MRTFB: variants seen among roughly 807,000 people sequenced by gnomAD.
The protein encoded by MRTFB is myocardin related transcription factor B.
Under a neutral mutation model 104.2 loss-of-function variants are expected in MRTFB, and 29 were observed. The ratio of observed to expected loss-of-function variants is 0.28; its 90% CI spans 0.21 to 0.38. The LOEUF is 0.38. MRTFB is among the 10% of genes least tolerant of loss of function. The pLI, the probability that MRTFB is intolerant of heterozygous loss-of-function variation, is 1.00. For synonymous variants in MRTFB, 535 were observed against 519.5 expected (o/e 1.03, Z -0.41); for missense variants, 1,270 against 1,341.6 (o/e 0.95, Z 0.83).
intron 1 of MRTFB, among the ~76,000 whole-genome samples, chr16:14,073,241 C>T (rs561944291): frequency 8.5e-5 from 13 of 152,136 alleles, no homozygotes; most frequent in Non-Finnish European, 1.6e-4. Flanking sequence ...TCGTACCAGG[C>T]GAATCTTCAT....
chr16:14,102,892 A>G (rs1288139827), intron 2 of MRTFB, among the ~76,000 whole-genome samples: 1 of 152,166 alleles, frequency 6.6e-6, no homozygotes, highest in Non-Finnish European at 1.5e-5. Flanking sequence ...ATGCTGTTGC[A>G]TTAGCTTTAA....
At chr16:14,101,435 A>G (rs761702710) in intron 2 of MRTFB, among the ~76,000 whole-genome samples, 10 of 152,200 alleles carry the variant, frequency 6.6e-5, no homozygotes, top group Non-Finnish European at 1.5e-4. Context: ...GGATAAATCT[A>G]TCAGACCAAA....
intron 10 of MRTFB, chr16:14,241,104 C>G (rs906296247): frequency 2.2e-5 from 7 of 319,850 alleles, no homozygotes; most frequent in African/African-American, 1.5e-4. Context: ...GGGCAGAAGA[C>G]CTTACTCAAC....
chr16:14,106,428 T>C (rs1178549559), intron 2 of MRTFB, among the ~76,000 whole-genome samples: 1 of 152,230 alleles, frequency 6.6e-6, no homozygotes, highest in Non-Finnish European at 1.5e-5. Context: ...TTCTTACCTA[T>C]ACTGTTAAGA....
intron 9 of MRTFB, among the ~76,000 whole-genome samples, chr16:14,234,766 G>T (rs984069231): frequency 2.0e-5 from 3 of 152,058 alleles, no homozygotes; most frequent in African/African-American, 7.3e-5. Flanking sequence ...TTGCACTCTA[G>T]CTTGGGTGAC....
chr16:14,091,348 A>G (rs531561765), intron 2 of MRTFB, among the ~76,000 whole-genome samples: 1 of 152,296 alleles, frequency 6.6e-6, no homozygotes, highest in African/African-American at 2.4e-5. Context: ...GAAGGTTGCA[A>G]AAGGAATGAA....
chr16:14,207,872 G>C (rs373997110), intron 3 of MRTFB, among the ~76,000 whole-genome samples: 40 of 152,314 alleles, frequency 2.6e-4, no homozygotes, highest in African/African-American at 8.2e-4. Flanking sequence ...TAACTCATTG[G>C]TCAGAAGTCT....
intron 2 of MRTFB, among the ~76,000 whole-genome samples, chr16:14,097,679 A>T (rs905146670): frequency 1.3e-5 from 2 of 152,208 alleles, no homozygotes; most frequent in African/African-American, 4.8e-5. Context: ...AAGGATGATG[A>T]ACATATCCAT....
intron 15 of MRTFB, among the ~76,000 whole-genome samples, chr16:14,255,726 T>C (rs1035808324): frequency 6.6e-6 from 1 of 152,046 alleles, no homozygotes; most frequent in Non-Finnish European, 1.5e-5. Context: ...TTTTATTCAG[T>C]GTACAACATT....
At chr16:14,015,195 C>T in the MRTFB span, among the ~76,000 whole-genome samples, 1 of 152,158 alleles carries the variant, frequency 6.6e-6, no homozygotes, top group African/African-American at 2.4e-5. Flanking sequence ...TGAAATGAAA[C>T]AAAAGGCTTG....
intron 16 of MRTFB, among the ~76,000 whole-genome samples, chr16:14,258,617 T>C (rs1365212372): frequency 6.6e-6 from 1 of 152,178 alleles, no homozygotes; most frequent in Non-Finnish European, 1.5e-5. Flanking sequence ...AAAGACCAGA[T>C]AGCAAAGTAG....
At chr16:14,088,489 C>A (rs2034859229) in intron 2 of MRTFB, among the ~76,000 whole-genome samples, 1 of 152,172 alleles carries the variant, frequency 6.6e-6, no homozygotes, top group Non-Finnish European at 1.5e-5. Context: ...CTCGAAAGTT[C>A]TTAGAATGTT....
At chr16:14,195,493 C>T (rs1221333845) in intron 3 of MRTFB, 1 of 984,192 alleles carries the variant, frequency 1.0e-6, no homozygotes, top group Non-Finnish European at 1.2e-6. Flanking sequence ...TTTGTATCAG[C>T]CCCATTCCTG....
intron 9 of MRTFB, among the ~76,000 whole-genome samples, chr16:14,237,046 A>G (rs1187833463): frequency 6.6e-6 from 1 of 152,186 alleles, no homozygotes; most frequent in Admixed American, 6.5e-5. Context: ...CTGTAATGGA[A>G]AGGAGTACAC....
At chr16:14,234,349 A>T in intron 9 of MRTFB, 66 bp downstream of exon 9, 1 of 1,520,584 alleles carries the variant, frequency 6.6e-7, no homozygotes, top group Non-Finnish European at 8.9e-7. Flanking sequence ...AACCCTGTGA[A>T]TGGAAGACAA....
intron 6 of MRTFB, among the ~76,000 whole-genome samples, chr16:14,213,974 A>G (rs561641001): frequency 4.6e-5 from 7 of 152,248 alleles, no homozygotes; most frequent in African/African-American, 1.7e-4. Flanking sequence ...CTAACCCTAG[A>G]TTTTCAACTA....
At chr16:14,025,619 G>A in the MRTFB span, among the ~76,000 whole-genome samples, 1 of 152,174 alleles carries the variant, frequency 6.6e-6, no homozygotes, top group Non-Finnish European at 1.5e-5. Context: ...TGTGGGCCTA[G>A]GATCCTGGCT....
At chr16:14,068,358 G>A (rs1057412276), upstream of MRTFB, among the ~76,000 whole-genome samples, 10 of 152,130 alleles carry the variant, frequency 6.6e-5, no homozygotes, top group African/African-American at 1.9e-4. Flanking sequence ...GAACACTGAG[G>A]CACTGGCCAC....
rs887726425 is a variant in MRTFB, at chr16:14,177,622, C to T, written c.155-32621C>T. ...GGAGGATTGCTTCAGCCCAGGAGTT[C>T]GAGACCAGCCTGAGCAACATAGCAA... On this transcript the variant is annotated intron_variant, in intron 3 of 16. Transcript: ENST00000571589. The surrounding 1 kb of genome is among the most constrained non-coding windows in gnomAD (Gnocchi z 4.7). 2.0e-5 allele frequency among the ~76,000 whole-genome samples: 3 copies of T among 151,990 alleles called. No individual in the cohort carries two copies. The highest frequency in any genetic ancestry group is 4.4e-5 in the Non-Finnish European group (3 of 68,010).
Sources: allele counts gnomAD v4.1 joint callset (sites outside exome capture counted in the v4.1 genomes callset), GRCh38; gene constraint gnomAD v4.1.1; non-coding constraint Gnocchi (gnomAD v3.1); transcripts MANE v1.5; gene names NCBI Gene and HGNC (gene_info 2026-07-23, HGNC 2026-07-21).